INSRR: variants seen among roughly 807,000 people sequenced by gnomAD.
The protein encoded by INSRR is insulin receptor-related protein.
In INSRR, 114 loss-of-function variants were observed where a neutral mutation model predicts 130.0. That is an observed-to-expected ratio of 0.88 (90% CI 0.75 to 1.02). The LOEUF (loss-of-function observed/expected upper bound fraction) is 1.02. Ranked by LOEUF, INSRR falls within the 50% of genes least tolerant of loss-of-function variation. The pLI, the probability that INSRR is intolerant of heterozygous loss-of-function variation, is 0.00. For missense variants in INSRR, 1,657 were observed against 1,735.2 expected, an observed-to-expected ratio of 0.95 and a Z score of 0.80; for synonymous variants, 674 against 705.2, an observed-to-expected ratio of 0.96 and a Z score of 0.70.
chr1:156,859,007 G>C lies in INSRR; in HGVS notation c.-386C>G, dbSNP rs1655511178. 5.0e-6 allele frequency: 1 copy of C among 198,874 alleles called. No individual in the cohort carries two copies. Among genetic ancestry groups the C allele is most frequent in the African/African-American group, 2.3e-5 (1 of 43,826 alleles). 12.3% of individuals were successfully genotyped at this position (198,874 alleles called of 1,614,324 possible). On this transcript the variant is annotated 5_prime_UTR_variant, in exon 1 of 22. Coordinates refer to ENST00000368195, the MANE Select transcript of INSRR (RefSeq NM_014215.3). This position sits in a 1 kb window ranked among gnomAD's most constrained non-coding sequence, Gnocchi z 6.2. ...GCAGGCTGGGGACCGCTCCCAAGGA[G>C]GGCAGCGGGGGTCCCGGGGCGCGTG...
rs749682157 is a variant in INSRR, at chr1:156,843,048, G to A, written c.3082C>T (p.Leu1028Phe). Residue 1028 changes from leucine (L) to phenylalanine (F), a missense_variant, in exon 17 of 22, where the codon CTC becomes TTC. Leu to Phe is a conservative substitution (Grantham distance 22, BLOSUM62 0). Coordinates refer to ENST00000368195, the MANE Select transcript of INSRR (RefSeq NM_014215.3). Reference protein sequence around the residue: ...LASPRECIEFLKEASVMKAFK... With the variant: ...LASPRECIEFFKEASVMKAFK... ...GCTTTCATGACAGAAGCTTCCTTGA[G>A]GAACTCAATGCATTCCCGTGGGCTG... 1.2e-6 allele frequency: 2 copies of A among 1,614,008 alleles called. No homozygotes were observed. The highest frequency in any genetic ancestry group is 1.7e-6 in the Non-Finnish European group (2 of 1,180,006).
chr1:156,848,394 T>A (rs562187522), intron 7 of INSRR, among the ~76,000 whole-genome samples: 1 of 152,350 alleles, frequency 6.6e-6, no homozygotes, highest in East Asian at 1.9e-4. Flanking sequence ...TCCTTTTGAT[T>A]CCTAACCGTG....
chr1:156,848,441 C>T (rs1000197102), intron 7 of INSRR, among the ~76,000 whole-genome samples: 4 of 152,182 alleles, frequency 2.6e-5, no homozygotes, highest in Non-Finnish European at 4.4e-5. Context: ...TAACCACTAT[C>T]CTCATTGTTA....
At chr1:156,841,929 A>G in intron 19 of INSRR, 135 bp from the exon 20 acceptor site, 1 of 1,551,386 alleles carries the variant, frequency 6.4e-7, no homozygotes, top group South Asian at 1.1e-5. Context: ...GGCTCAATGG[A>G]CCTCAGAACT....
At position 156,858,585 on chromosome 1, in the gene INSRR, G is replaced by A. The variant is rs1294127021; in HGVS notation, c.37C>T (p.Leu13=). 1 of 1,614,090 alleles carries A rather than the reference G, an allele frequency of 6.2e-7. No individual in the cohort carries two copies. The highest frequency in any genetic ancestry group is 1.1e-5 in the South Asian group (1 of 91,078). The part of the protein sequence containing the change: ...VPSLWPWGAC[L]PVIFLSLGFG... ...CCCAAGGAGAGGAAGATCACAGGCA[G>A]GCATGCTCCCCAGGGCCACAGACTA... Residue 13 remains leucine, a synonymous_variant, in exon 1 of 22, where the codon CTG becomes TTG. Transcript: ENST00000368195.
At position 156,845,311 on chromosome 1, in the gene INSRR, T is replaced by A; in HGVS notation, c.2217-15A>T. Reference sequence around the variant, plus strand: ...GCCCTGAGTCCCTGGGGAGAGCGAGTCAGAGCCAAGGCCCAGCCCCCAAAG... The same window carrying A: ...GCCCTGAGTCCCTGGGGAGAGCGAGACAGAGCCAAGGCCCAGCCCCCAAAG... On this transcript the variant is annotated splice_polypyrimidine_tract_variant and intron_variant, in intron 11 of 21. Transcript: ENST00000368195. The A allele has an allele frequency of 2.5e-6, 4 of 1,611,960 alleles. No individual in the cohort carries two copies. Among genetic ancestry groups the A allele is most frequent in the Non-Finnish European group, 3.4e-6 (4 of 1,178,734 alleles).
In INSRR at chr1:156,840,828, C is replaced by A; in HGVS notation, c.*45G>T. Reference sequence around the variant, plus strand: ...CGTCTCAGCCACAGAGGTCGGGTCCCTTCCTGTCTCCCCATGGGAGGCCAG... The same window carrying A: ...CGTCTCAGCCACAGAGGTCGGGTCCATTCCTGTCTCCCCATGGGAGGCCAG... On this transcript the variant is annotated 3_prime_UTR_variant, in exon 22 of 22. Transcript: ENST00000368195. The A allele has an allele frequency of 6.7e-7, 1 of 1,483,538 alleles. No homozygotes were observed. The highest frequency in any genetic ancestry group is 9.3e-7 in the Non-Finnish European group (1 of 1,070,490). 91.9% of individuals were successfully genotyped at this position (1,483,538 alleles called of 1,614,324 possible). A position where few individuals can be genotyped will look rare whatever the true frequency, so the allele number is the denominator to read the frequency against.
intron 21 of INSRR, 40 bp from the exon 22 acceptor site, chr1:156,841,144 C>A: frequency 6.9e-7 from 1 of 1,452,582 alleles, no homozygotes. Flanking sequence ...CATCCGGGAG[C>A]CCCTGCCACG....
At position 156,851,654 on chromosome 1, in the gene INSRR, C is replaced by T. The variant is rs969313734; in HGVS notation, c.1076G>A (p.Arg359His). The T allele has an allele frequency of 5.0e-6, 8 of 1,614,000 alleles. No homozygotes were observed. Among genetic ancestry groups the T allele is most frequent in the African/African-American group, 1.3e-5 (1 of 74,892 alleles). Reference sequence around the variant, plus strand: ...CCAAAGTAGGTACTGACAGCCCTGGCGAAGGTTGAGGATGAGGCTTCCCTC... The same window carrying T: ...CCAAAGTAGGTACTGACAGCCCTGGTGAAGGTTGAGGATGAGGCTTCCCTC... ...HVEGSLILNL[R>H]QGYNLEPQLQ... The change falls in exon 4 of 22, where the codon CGC (arginine) becomes CAC (histidine). Residue 359 changes from arginine (R) to histidine (H), a missense_variant. Coordinates refer to ENST00000368195, the MANE Select transcript of INSRR (RefSeq NM_014215.3).
Position 156,846,654 on chromosome 1 carries a change from CT to C in INSRR, c.1674del (p.Val560Ter). 6.2e-7 allele frequency: 1 copy of C among 1,614,194 alleles called. No homozygotes were observed. Among genetic ancestry groups the C allele is most frequent in the Middle Eastern group, 1.6e-4 (1 of 6,062 alleles). On this transcript the variant is annotated frameshift_variant, in exon 8 of 22. Coordinates refer to ENST00000368195, the MANE Select transcript of INSRR (RefSeq NM_014215.3). LOFTEE classifies it high-confidence loss of function. Reference protein sequence around the residue: ...VELPLSRTQEPGVTLASLKPW... With the variant: ...VELPLSRTQEXGVTLASLKPW... ...GGCTTGAGGGAGGCTAGGGTCACCC[CT>C]GGCTCCTGGGTGCGGCTTAGGGGCA... is the stretch of plus-strand genomic sequence containing the variant.
At chr1:156,849,513 G>GGGGGGGGGGGGGGGGGGGGC in intron 5 of INSRR, 53 bp from the exon 6 acceptor site, 8 of 486,122 alleles carry the variant, frequency 1.6e-5, no homozygotes, top group East Asian at 5.4e-5. Flanking sequence ...CAGGGGGTGG[G>GGGGGGGGGGGGGGGGGGGGC]AAAGGGGATG....
chr1:156,840,601 T>A lies in INSRR; in HGVS notation c.*272A>T. ...TCCTAGTCTGAGTGGGGTCCCTACCTCTGAGGGCAGGACATCTCTCCCTGA... is the reference window on the plus strand; with the variant it reads ...TCCTAGTCTGAGTGGGGTCCCTACCACTGAGGGCAGGACATCTCTCCCTGA... On this transcript the variant is annotated 3_prime_UTR_variant, in exon 22 of 22. Transcript: ENST00000368195. 2.0e-6 allele frequency: 1 copy of A among 509,324 alleles called. No homozygotes were observed. The highest frequency in any genetic ancestry group is 3.6e-6 in the Non-Finnish European group (1 of 280,820). 31.6% of individuals were successfully genotyped at this position (509,324 alleles called of 1,614,324 possible).
rs577172324 is a variant in INSRR, at chr1:156,845,875, C to A, written c.1979-61G>T. 6.1e-5 allele frequency: 98 copies of A among 1,600,060 alleles called. 1 individual carries two copies. The highest frequency in any genetic ancestry group is 5.9e-4 in the East Asian group (26 of 44,178). ...CGGTCTACCCGCCTCTGATCCCCCC[C>A]ACCTGCCGGGGCCCTGCGCCTCCAT... On this transcript the variant is annotated intron_variant, in intron 9 of 21. Transcript: ENST00000368195.
In INSRR at chr1:156,849,413, C is replaced by A. The variant is rs1288070931; in HGVS notation, c.1277G>T (p.Gly426Val). The A allele has an allele frequency of 1.9e-6, 3 of 1,613,738 alleles. No homozygotes were observed. The highest frequency in any genetic ancestry group is 1.3e-5 in the African/African-American group (1 of 74,852). Residue 426 changes from glycine to valine, a missense_variant, in exon 6 of 22, where the codon GGG (glycine) becomes GTG (valine). Transcript: ENST00000368195. ...GGTGAGCCCCGCGGCCACCCAGGACCCTAGCTGTTGTAGGTTCTGGTTGTC... is the reference window on the plus strand; with the variant it reads ...GGTGAGCCCCGCGGCCACCCAGGACACTAGCTGTTGTAGGTTCTGGTTGTC... ...VLDNQNLQQL[G>V]SWVAAGLTIP...
Position 156,843,235 on chromosome 1 carries a change from T to G in INSRR, c.2897-2A>C, listed in dbSNP as rs1230568135. 3.7e-6 allele frequency: 6 copies of G among 1,613,542 alleles called. 1 individual carries two copies. The South Asian group carries it at 6.6e-5, about 18-fold the overall frequency. On this transcript the variant is annotated splice_acceptor_variant, in intron 16 of 21. Transcript: ENST00000368195. LOFTEE classifies it high-confidence loss of function. ...CCTCCCATTCATCAGGGACATACACTGCAAGGAGGTGGAGGGTCACAAAGC... is the reference window on the plus strand; with the variant it reads ...CCTCCCATTCATCAGGGACATACACGGCAAGGAGGTGGAGGGTCACAAAGC...
chr1:156,842,920 T>C (rs1194754798), intron 17 of INSRR, 84 bp downstream of exon 17: 3 of 1,080,830 alleles, frequency 2.8e-6, no homozygotes, highest in African/African-American at 1.6e-5. Flanking sequence ...AATGGTGCCC[T>C]AACCTCATCT....
Position 156,851,401 on chromosome 1 carries a change from C to T in INSRR, c.1118G>A (p.Gly373Glu), listed in dbSNP as rs371351281. 23 of 1,614,142 alleles carry T rather than the reference C, an allele frequency of 1.4e-5. No individual in the cohort carries two copies. The highest frequency in any genetic ancestry group is 1.8e-5 in the Non-Finnish European group (21 of 1,180,038). ...GAAGCCAGTAATGGTTTCTACCAGC[C>T]CCAGGCTGTGCTGCAGCTGTGGCTC... The part of the protein sequence containing the change: ...NLEPQLQHSL[G>E]LVETITGFLK... Residue 373 changes from glycine to glutamate, a missense_variant, in exon 5 of 22, where the codon GGG (glycine) becomes GAG (glutamate). Transcript: ENST00000368195.
At chr1:156,853,727 A>C (rs372561093) in intron 2 of INSRR, 25 bp downstream of exon 2, 3 of 1,574,174 alleles carry the variant, frequency 1.9e-6, no homozygotes, top group Non-Finnish European at 2.6e-6. Flanking sequence ...CCTTCCCTAC[A>C]TTCATGTTCT....
In INSRR at chr1:156,854,505, C is replaced by G. The variant is rs552047748; in HGVS notation, c.86-202G>C. ...CAGGGTCTCTACCAGATGAGCCACA[C>G]AGGCAAAAATGAACTCCTGATCCTC... On this transcript the variant is annotated intron_variant, in intron 1 of 21. Transcript: ENST00000368195. The surrounding 1 kb of genome is among the most constrained non-coding windows in gnomAD (Gnocchi z 4.2). Among the ~76,000 whole-genome samples, 12 of 152,236 alleles carry G rather than the reference C, an allele frequency of 7.9e-5. No individual in the cohort carries two copies. The highest frequency in any genetic ancestry group is 2.9e-4 in the African/African-American group (12 of 41,552).
Sources: allele counts gnomAD v4.1 joint callset (sites outside exome capture counted in the v4.1 genomes callset), GRCh38; gene constraint gnomAD v4.1.1; non-coding constraint Gnocchi (gnomAD v3.1); transcripts MANE v1.5; gene names NCBI Gene and HGNC (gene_info 2026-07-23, HGNC 2026-07-21).